The following PDS5A variants were observed in gnomAD, a reference collection of about 807,000 sequenced individuals.
PDS5A encodes PDS5 cohesin associated factor A.
A neutral mutation model predicts 167.1 loss-of-function variants in PDS5A; 42 were observed. The observed-to-expected ratio is 0.25, with a 90% CI of 0.20 to 0.33. PDS5A has a LOEUF of 0.33. Ranked by LOEUF, PDS5A falls within the 10% of genes least tolerant of loss-of-function variation. The pLI, the probability that PDS5A is intolerant of heterozygous loss-of-function variation, is 1.00. For missense variants in PDS5A, 1,033 were observed against 1,605.9 expected (o/e 0.64, Z 6.10); for synonymous variants, 553 against 554.6 (o/e 1.00, Z 0.04).
intron 8 of PDS5A, among the ~76,000 whole-genome samples, chr4:39,914,198 T>C (rs897449327): frequency 6.7e-6 from 1 of 149,512 alleles, no homozygotes; most frequent in African/African-American, 2.5e-5. Context: ...TCTTGCACTG[T>C]TTTCCCAAGC....
intron 5 of PDS5A, 34 bp from the exon 6 acceptor site, chr4:39,922,782 G>C (rs757449188): frequency 1.0e-5 from 14 of 1,388,594 alleles, no homozygotes; most frequent in Middle Eastern, 2.7e-4. Context: ...TAAGTAGTAG[G>C]AGGAGGAAAA....
At chr4:39,867,070 G>T (rs1017802252) in intron 22 of PDS5A, 73 bp from the exon 23 acceptor site, 2 of 1,145,436 alleles carry the variant, frequency 1.7e-6, no homozygotes, top group Non-Finnish European at 2.5e-6. Context: ...AATTTAATTA[G>T]ATTAATGAGA....
chr4:39,865,125 TA>T (rs1719318821), intron 23 of PDS5A, among the ~76,000 whole-genome samples: 1 of 152,164 alleles, frequency 6.6e-6, no homozygotes, highest in African/African-American at 2.4e-5. Context: ...TGATTGCTTA[TA>T]ACGTTTTTTT....
chr4:39,913,805 G>T (rs1172341998), intron 8 of PDS5A, 79 bp from the exon 9 acceptor site: 2 of 799,512 alleles, frequency 2.5e-6, no homozygotes, highest in South Asian at 1.4e-5. Context: ...TTCTCAAGAA[G>T]ATACTATTTC....
rs1448222338 is a variant in PDS5A at position 39,930,250 on chromosome 4, T to G, written c.139-2086A>C. On this transcript the variant is annotated intron_variant, in intron 2 of 32. Coordinates refer to ENST00000303538, the MANE Select transcript of PDS5A (RefSeq NM_001100399.2). ...AAAAAAAAAAAAAAAAAAAAAAGTTTTTTTGTTTTTTGTTTTTTTTTTTTA... is the reference window on the plus strand; with the variant it reads ...AAAAAAAAAAAAAAAAAAAAAAGTTGTTTTGTTTTTTGTTTTTTTTTTTTA... 1.4e-4 allele frequency among the ~76,000 whole-genome samples: 15 copies of G among 109,880 alleles called. 3 individuals carry two copies. The highest frequency in any genetic ancestry group is 3.4e-4 in the African/African-American group (12 of 34,958). 72.1% of individuals were successfully genotyped at this position (109,880 alleles called of 152,430 possible).
chr4:39,834,200 A>G (rs1026245155), intron 32 of PDS5A, among the ~76,000 whole-genome samples: 31 of 150,480 alleles, frequency 2.1e-4, no homozygotes, highest in Admixed American at 9.2e-4. Flanking sequence ...AAAAAAAAAA[A>G]GGGTACTAAG....
chr4:39,971,509 C>A (rs1055700078), intron 2 of PDS5A, among the ~76,000 whole-genome samples: 14 of 152,028 alleles, frequency 9.2e-5, no homozygotes, highest in African/African-American at 3.1e-4. Context: ...GTCACCCAGG[C>A]TATAGTGCAG....
intron 30 of PDS5A, among the ~76,000 whole-genome samples, chr4:39,843,760 T>C (rs1717287583): frequency 6.6e-6 from 1 of 151,880 alleles, no homozygotes; most frequent in Admixed American, 6.5e-5. Context: ...TTAACTCTTA[T>C]ATTATTTTCT....
At chr4:39,854,696 T>C (rs1277511894) in intron 26 of PDS5A, among the ~76,000 whole-genome samples, 1 of 152,212 alleles carries the variant, frequency 6.6e-6, no homozygotes, top group East Asian at 1.9e-4. Context: ...TTCTTCATCT[T>C]CCATTAGATT....
intron 2 of PDS5A, among the ~76,000 whole-genome samples, chr4:39,955,379 A>G (rs1196456881): frequency 2.6e-5 from 4 of 152,142 alleles, no homozygotes; most frequent in Admixed American, 2.0e-4. Flanking sequence ...AGGTGGGCAG[A>G]TCACCTGAAA....
Position 39,937,221 on chromosome 4 carries a change from T to C in PDS5A, c.139-9057A>G, listed in dbSNP as rs2109758387. 2.6e-5 allele frequency among the ~76,000 whole-genome samples: 4 copies of C among 152,264 alleles called. 1 individual carries two copies. Among genetic ancestry groups the C allele is most frequent in the Admixed American group, 2.6e-4 (4 of 15,292 alleles). Reference sequence around the variant, plus strand: ...TGACCAGCCCCATCCTGAAGCTATCTAGTGGCACTGCCAGGAGCTGCCTCA... The same window carrying C: ...TGACCAGCCCCATCCTGAAGCTATCCAGTGGCACTGCCAGGAGCTGCCTCA... On this transcript the variant is annotated intron_variant, in intron 2 of 32. Transcript: ENST00000303538.
intron 2 of PDS5A, among the ~76,000 whole-genome samples, chr4:39,961,025 G>A (rs1212753438): frequency 6.9e-6 from 1 of 145,148 alleles, no homozygotes; most frequent in Non-Finnish European, 1.5e-5. Flanking sequence ...GGTCTCACCG[G>A]CCTTGAACTC....
At chr4:39,958,034 G>C (rs886746745) in intron 2 of PDS5A, among the ~76,000 whole-genome samples, 4 of 151,828 alleles carry the variant, frequency 2.6e-5, no homozygotes, top group Admixed American at 1.3e-4. Flanking sequence ...GGGACTACAG[G>C]AGCACACCAC....
intron 12 of PDS5A, among the ~76,000 whole-genome samples, chr4:39,903,712 A>G (rs1364728812): frequency 6.6e-6 from 1 of 152,178 alleles, no homozygotes; most frequent in East Asian, 1.9e-4. Flanking sequence ...ATAAAACTGA[A>G]GCGCACAAGA....
intron 32 of PDS5A, among the ~76,000 whole-genome samples, chr4:39,825,886 A>G (rs1715258818): frequency 6.6e-6 from 1 of 152,184 alleles, no homozygotes; most frequent in African/African-American, 2.4e-5. Flanking sequence ...GATTACAGGC[A>G]TGAGTCACTG....
At chr4:39,956,757 T>TA (rs1326231374) in intron 2 of PDS5A, among the ~76,000 whole-genome samples, 1 of 152,076 alleles carries the variant, frequency 6.6e-6, no homozygotes, top group African/African-American at 2.4e-5. Context: ...ACTGTACACT[T>TA]AATCTCCTTG....
At chr4:39,930,246 A>AAAAAAAAAAAAAAAAATTTTTTTT in intron 2 of PDS5A, among the ~76,000 whole-genome samples, 9 of 93,088 alleles carry the variant, frequency 9.7e-5, no homozygotes, top group Non-Finnish European at 1.6e-4. Context: ...AAAAAAAAAA[A>AAAAAAAAAAAAAAAAATTTTTTTT]GTTTTTTTGT....
intron 23 of PDS5A, 66 bp downstream of exon 23, chr4:39,866,792 AAAT>A: frequency 7.2e-7 from 1 of 1,383,040 alleles, no homozygotes; most frequent in Non-Finnish European, 1.0e-6. Flanking sequence ...TTCATTAGGT[AAAT>A]AATTCCTATG....
At chr4:39,907,405 A>G (rs1389107708) in intron 11 of PDS5A, among the ~76,000 whole-genome samples, 1 of 152,176 alleles carries the variant, frequency 6.6e-6, no homozygotes. Context: ...TTGCAGACGA[A>G]AGTAATTTTC....
Sources: allele counts gnomAD v4.1 joint callset (sites outside exome capture counted in the v4.1 genomes callset), GRCh38; gene constraint gnomAD v4.1.1; transcripts MANE v1.5; gene names NCBI Gene and HGNC (gene_info 2026-07-23, HGNC 2026-07-21).